The following RPTOR variants were observed in gnomAD, a reference collection of about 807,000 sequenced individuals.
RPTOR encodes regulatory-associated protein of mTOR.
In RPTOR, 21 loss-of-function variants were observed where a neutral mutation model predicts 169.9. That is an observed-to-expected ratio of 0.12 (90% CI 0.09 to 0.18). The LOEUF (loss-of-function observed/expected upper bound fraction) is 0.18. Among genes scored for constraint, RPTOR ranks in the 10% least tolerant of loss-of-function variants. The pLI, the probability that RPTOR is intolerant of heterozygous loss-of-function variation, is 1.00. For missense variants in RPTOR, 1,133 were observed against 1,855.9 expected, an observed-to-expected ratio of 0.61 and a Z score of 7.16; for synonymous variants, 732 against 753.2, an observed-to-expected ratio of 0.97 and a Z score of 0.46.
At chr17:80,663,213 C>T (rs2065737912) in intron 3 of RPTOR, among the ~76,000 whole-genome samples, 1 of 152,198 alleles carries the variant, frequency 6.6e-6, no homozygotes, top group Non-Finnish European at 1.5e-5. Flanking sequence ...CACAGGTTCA[C>T]GCTGCACCTG....
At chr17:80,906,052 C>T (rs1018454246) in intron 20 of RPTOR, among the ~76,000 whole-genome samples, 2 of 152,152 alleles carry the variant, frequency 1.3e-5, no homozygotes, top group Non-Finnish European at 2.9e-5. Context: ...GGTGGGCAGT[C>T]ATCAACGGGC....
chr17:80,862,374 T>G (rs1455711155), intron 13 of RPTOR, among the ~76,000 whole-genome samples: 1 of 152,080 alleles, frequency 6.6e-6, no homozygotes, highest in Admixed American at 6.6e-5. Flanking sequence ...TTCCCAGAGA[T>G]GAAAGTTCCC....
At chr17:80,680,980 G>A (rs995629857) in intron 3 of RPTOR, among the ~76,000 whole-genome samples, 2 of 152,090 alleles carry the variant, frequency 1.3e-5, no homozygotes, top group African/African-American at 2.4e-5. Flanking sequence ...ACACACAGGC[G>A]GAAGAGGAGA....
intron 29 of RPTOR, among the ~76,000 whole-genome samples, chr17:80,958,507 T>C (rs1194197802): frequency 7.0e-6 from 1 of 143,336 alleles, no homozygotes; most frequent in Non-Finnish European, 1.5e-5. Context: ...GCCTCCTGGG[T>C]TCATGCCATT....
Position 80,858,003 on chromosome 17 carries a change from CCT to C in RPTOR, c.1509+107_1509+108del, listed in dbSNP as rs1567952477. 4.5e-6 allele frequency: 4 copies of C among 883,170 alleles called. No individual in the cohort carries two copies. The East Asian group carries it at 1.0e-4, about 23-fold the overall frequency. The allele number at this position is 883,170 out of a possible 1,614,324, so 54.7% of individuals were successfully genotyped here. On this transcript the variant is annotated intron_variant, in intron 13 of 33. Transcript: ENST00000306801. The stretch of plus-strand genomic sequence containing the variant: ...GCCTGCCCTTTCTCCAGCCTCGCTC[CCT>C]CTCCAGGCACCGCCGTTCCCTTCCT...
intron 4 of RPTOR, among the ~76,000 whole-genome samples, chr17:80,727,631 T>C (rs1457558610): frequency 6.6e-6 from 1 of 152,222 alleles, no homozygotes; most frequent in Non-Finnish European, 1.5e-5. Flanking sequence ...TGGCCAGAAT[T>C]TGGCTGCAGG....
Position 80,959,228 on chromosome 17 carries a change from G to A in RPTOR, c.3478-850G>A, listed in dbSNP as rs1281325659. On this transcript the variant is annotated intron_variant, in intron 29 of 33. Coordinates refer to ENST00000306801, the MANE Select transcript of RPTOR (RefSeq NM_020761.3). The surrounding 1 kb of genome is among the most constrained non-coding windows in gnomAD (Gnocchi z 6.7). Reference sequence around the variant, plus strand: ...TCATGGCACCTTCTTTGGGGTGGGGGGGTCTTGCACCTGTCTGGAGCTGTG... The same window carrying A: ...TCATGGCACCTTCTTTGGGGTGGGGAGGTCTTGCACCTGTCTGGAGCTGTG... Among the ~76,000 whole-genome samples the A allele has an allele frequency of 1.3e-5, 2 of 152,198 alleles. No individual in the cohort carries two copies. Among genetic ancestry groups the A allele is most frequent in the African/African-American group, 4.8e-5 (2 of 41,448 alleles).
At chr17:80,963,763 C>T (rs1465348457) in intron 33 of RPTOR, among the ~76,000 whole-genome samples, 5 of 135,896 alleles carry the variant, frequency 3.7e-5, no homozygotes, top group Admixed American at 1.4e-4. Flanking sequence ...GCCCTCACCC[C>T]GTCCCCTCTG....
At chr17:80,816,868 T>C (rs778344948) in intron 7 of RPTOR, among the ~76,000 whole-genome samples, 5 of 152,192 alleles carry the variant, frequency 3.3e-5, no homozygotes, top group Non-Finnish European at 7.4e-5. Flanking sequence ...CACTGCATGT[T>C]GAGCCCCAGC....
Position 80,910,579 on chromosome 17 carries a change from G to A in RPTOR, c.2520+1650G>A, listed in dbSNP as rs536898830. On this transcript the variant is annotated intron_variant, in intron 21 of 33. Transcript: ENST00000306801. ...TGCCTCGGGTATCACTCAGTGCCAGGGTCTGCAGGGTCGAGGAGCCACGGC... is the reference window on the plus strand; with the variant it reads ...TGCCTCGGGTATCACTCAGTGCCAGAGTCTGCAGGGTCGAGGAGCCACGGC... Among the ~76,000 whole-genome samples the A allele has an allele frequency of 2.0e-5, 3 of 152,204 alleles. No individual in the cohort carries two copies. The East Asian group carries it at 5.8e-4, about 29-fold the overall frequency.
chr17:80,949,552 GTCCGCCCGGC>G lies in RPTOR; in HGVS notation c.3370+9_3370+18del, dbSNP rs1388760669. On this transcript the variant is annotated splice_donor_region_variant and intron_variant, in intron 28 of 33. Coordinates refer to ENST00000306801, the MANE Select transcript of RPTOR (RefSeq NM_020761.3). ...ACATGCTGCCAACGACGCGAGGTGGGTCCGCCCGGCTCCTCCCCAGAGCAGAATGTGTTCC... is the reference window on the plus strand; with the variant it reads ...ACATGCTGCCAACGACGCGAGGTGGGTCCTCCCCAGAGCAGAATGTGTTCC... 1.9e-6 allele frequency: 3 copies of G among 1,612,214 alleles called. No homozygotes were observed. Among genetic ancestry groups the G allele is most frequent in the Non-Finnish European group, 2.5e-6 (3 of 1,178,748 alleles).
intron 3 of RPTOR, among the ~76,000 whole-genome samples, chr17:80,665,540 CT>C (rs1297875156): frequency 7.2e-6 from 1 of 138,128 alleles, no homozygotes; most frequent in Non-Finnish European, 1.5e-5. Flanking sequence ...CTTTCCTTTC[CT>C]TTTCCTTTCC....
chr17:80,583,459 G>A (rs926331160), intron 1 of RPTOR, among the ~76,000 whole-genome samples: 2 of 152,122 alleles, frequency 1.3e-5, no homozygotes, highest in African/African-American at 4.8e-5. Context: ...CCAAAGTGCC[G>A]GGATTATAGG....
intron 1 of RPTOR, among the ~76,000 whole-genome samples, chr17:80,622,915 A>C (rs1022008443): frequency 2.0e-5 from 3 of 152,168 alleles, no homozygotes; most frequent in Admixed American, 1.3e-4. Flanking sequence ...AAATGAAACA[A>C]AACAAAAAAA....
chr17:80,547,298 T>C (rs1272725074), intron 1 of RPTOR, among the ~76,000 whole-genome samples: 2 of 152,236 alleles, frequency 1.3e-5, no homozygotes, highest in Non-Finnish European at 2.9e-5. Context: ...GCTATACATA[T>C]ATGAAAAGAC....
At chr17:80,617,143 G>A (rs2065318067) in intron 1 of RPTOR, among the ~76,000 whole-genome samples, 2 of 152,172 alleles carry the variant, frequency 1.3e-5, no homozygotes, top group African/African-American at 4.8e-5. Flanking sequence ...GAAGGGCCAG[G>A]TACAAAGAAG....
Position 80,959,948 on chromosome 17 carries a change from AG to A in RPTOR, c.3478-128del. 1.8e-6 allele frequency: 2 copies of A among 1,097,088 alleles called. No individual in the cohort carries two copies. The highest frequency in any genetic ancestry group is 2.6e-6 in the Non-Finnish European group (2 of 756,790). 68.0% of individuals were successfully genotyped at this position (1,097,088 alleles called of 1,614,324 possible). A position where few individuals can be genotyped will look rare whatever the true frequency, so the allele number is the denominator to read the frequency against. On this transcript the variant is annotated intron_variant, in intron 29 of 33. Transcript: ENST00000306801. The surrounding 1 kb of genome is among the most constrained non-coding windows in gnomAD (Gnocchi z 6.7). Reference sequence around the variant, plus strand: ...TTGATGCTTCCCTGGATAGAGAGAAAGGCCCCTGCAGCCAGGGAGGGTGATC... The same window carrying A: ...TTGATGCTTCCCTGGATAGAGAGAAAGCCCCTGCAGCCAGGGAGGGTGATC...
chr17:80,581,383 G>T (rs1298995387), intron 1 of RPTOR, among the ~76,000 whole-genome samples: 6 of 152,214 alleles, frequency 3.9e-5, no homozygotes, highest in African/African-American at 1.4e-4. Flanking sequence ...TGTGTATGTG[G>T]TGGCCTTAAT....
rs1047424165 is a variant in RPTOR, at chr17:80,651,079, G to A, written c.348+7269G>A. Among the ~76,000 whole-genome samples the A allele has an allele frequency of 3.3e-5, 5 of 152,208 alleles. No individual in the cohort carries two copies. Among genetic ancestry groups the A allele is most frequent in the Admixed American group, 2.6e-4 (4 of 15,288 alleles). On this transcript the variant is annotated intron_variant, in intron 3 of 33. Transcript: ENST00000306801. This position sits in a 1 kb window ranked among gnomAD's most constrained non-coding sequence, Gnocchi z 4.1. ...CTAAAACTGTAGCTCAGCTGTTGTC[G>A]TTTCACAGATCTCACGTGCCATGTG...
Sources: gnomAD v4.1 joint callset for allele counts (sites outside exome capture counted in the v4.1 genomes callset) on GRCh38, gnomAD v4.1.1 for gene constraint, Gnocchi (gnomAD v3.1) non-coding constraint, MANE v1.5 for transcripts, NCBI Gene and HGNC (gene_info 2026-07-23, HGNC 2026-07-21) for gene names.